Variants in HNF4A observed in about 807,000 individuals in gnomAD.
HNF4A encodes the protein hepatocyte nuclear factor 4 alpha.
Under a neutral mutation model 52.4 loss-of-function variants are expected in HNF4A, and 15 were observed. That is an observed-to-expected ratio of 0.29 (90% CI 0.19 to 0.44). The LOEUF (loss-of-function observed/expected upper bound fraction) is 0.44, where lower values mean the gene tolerates loss of function less well. Among genes scored for constraint, HNF4A ranks in the 20% least tolerant of loss-of-function variants. The pLI, the probability that HNF4A is intolerant of heterozygous loss-of-function variation, is 1.00. For synonymous variants in HNF4A, 280 were observed against 264.4 expected, an observed-to-expected ratio of 1.06 and a Z score of -0.57; for missense variants, 479 against 647.2, an observed-to-expected ratio of 0.74 and a Z score of 2.82.
chr20:44,392,938 T>G (rs1029942869), intron 1 of HNF4A, among the ~76,000 whole-genome samples: 1 of 152,244 alleles, frequency 6.6e-6, no homozygotes, highest in South Asian at 2.1e-4. Flanking sequence ...CCCTCTTGGC[T>G]GGAGAACCTT....
intron 1 of HNF4A, among the ~76,000 whole-genome samples, chr20:44,361,634 C>T (rs1600626304): frequency 1.3e-5 from 2 of 151,956 alleles, no homozygotes; most frequent in African/African-American, 2.4e-5. Flanking sequence ...GCCAAGATCA[C>T]GCCACTGCAC....
intron 7 of HNF4A, among the ~76,000 whole-genome samples, chr20:44,421,137 T>A (rs1448171722): frequency 6.6e-6 from 1 of 152,176 alleles, no homozygotes; most frequent in African/African-American, 2.4e-5. Context: ...GCAAGTTATG[T>A]GCTTTTATCT....
intron 1 of HNF4A, among the ~76,000 whole-genome samples, chr20:44,357,500 G>T (rs1272218334): frequency 6.6e-6 from 1 of 152,134 alleles, no homozygotes; most frequent in Non-Finnish European, 1.5e-5. Context: ...AGGTCATAAG[G>T]CTAAGCTAGG....
intron 3 of HNF4A, 50 bp from the exon 4 acceptor site, chr20:44,413,644 C>T: frequency 7.3e-7 from 1 of 1,378,034 alleles, no homozygotes; most frequent in South Asian, 1.2e-5. Flanking sequence ...CACCCCCACC[C>T]CCTACTCCAT....
At chr20:44,403,071 A>G (rs1460816386) in intron 1 of HNF4A, among the ~76,000 whole-genome samples, 3 of 152,196 alleles carry the variant, frequency 2.0e-5, no homozygotes, top group Non-Finnish European at 4.4e-5. Flanking sequence ...GAGATAGCAA[A>G]CAAGCTGCTG....
chr20:44,363,563 AGAG>A (rs767292530), intron 1 of HNF4A, among the ~76,000 whole-genome samples: 3 of 151,944 alleles, frequency 2.0e-5, no homozygotes, highest in Non-Finnish European at 2.9e-5. Flanking sequence ...GCTCCTTCAC[AGAG>A]GAGGAGGCAG....
chr20:44,370,860 C>T (rs1228769146), intron 1 of HNF4A, among the ~76,000 whole-genome samples: 4 of 152,200 alleles, frequency 2.6e-5, no homozygotes, highest in East Asian at 1.9e-4. Context: ...CACTGTTTGA[C>T]GACTGTCTGC....
Position 44,429,732 on chromosome 20 carries a change from CGTG to C in HNF4A, c.*70_*72del. 5.9e-6 allele frequency: 9 copies of C among 1,515,278 alleles called. No homozygotes were observed. The highest frequency in any genetic ancestry group is 8.2e-6 in the Non-Finnish European group (9 of 1,092,410). 93.9% of individuals were successfully genotyped at this position (1,515,278 alleles called of 1,614,324 possible). On this transcript the variant is annotated 3_prime_UTR_variant, in exon 10 of 10. Transcript: ENST00000316099. ...CCCCTAAGAGAGCACCTGGTGATCA[CGTG>C]GTCACGGCAAAGGAAGACGTGATGC...
At chr20:44,396,284 G>C (rs968414320), upstream of HNF4A, among the ~76,000 whole-genome samples, 1 of 152,172 alleles carries the variant, frequency 6.6e-6, no homozygotes, top group Non-Finnish European at 1.5e-5. Context: ...ATATGAGAAG[G>C]CTAGAAGGTT....
chr20:44,424,068 G>A lies in HNF4A; in HGVS notation c.943G>A (p.Val315Met). 6.2e-7 allele frequency: 1 copy of A among 1,613,308 alleles called. No individual in the cohort carries two copies. Among genetic ancestry groups the A allele is most frequent in the Non-Finnish European group, 8.5e-7 (1 of 1,180,008 alleles). The change falls in exon 8 of 10, where the codon GTG becomes ATG. Residue 315 changes from valine (V) to methionine (M), a missense_variant. By Grantham distance (21) the Val-to-Met change is conservative (BLOSUM62 1). Transcript: ENST00000316099. ...GAAGATCAAGCGGCTGCGTTCCCAG[G>A]TGCAGGTGAGCTTGGAGGACTACAT...
intron 1 of HNF4A, among the ~76,000 whole-genome samples, chr20:44,385,712 A>G (rs6031577): frequency 0.3 from 45,473 of 151,876 alleles, 7,069 homozygotes; most frequent in Non-Finnish European, 0.34. Context: ...CCAGTGATCC[A>G]CCTGCCTTGG....
chr20:44,402,411 G>A, intron 1 of HNF4A: 1 of 394,830 alleles, frequency 2.5e-6, no homozygotes. Context: ...TACCTGCTGT[G>A]TATATATGCA....
intron 1 of HNF4A, among the ~76,000 whole-genome samples, chr20:44,379,332 C>T (rs931747327): frequency 1.3e-5 from 2 of 151,992 alleles, no homozygotes; most frequent in Non-Finnish European, 2.9e-5. Context: ...ATTGCTAGAT[C>T]ATATGATAGT....
chr20:44,427,639 G>C (rs2063828811), intron 8 of HNF4A, among the ~76,000 whole-genome samples: 1 of 152,118 alleles, frequency 6.6e-6, no homozygotes, highest in African/African-American at 2.4e-5. Context: ...CAATCTGCTA[G>C]GCCCTCAAAG....
chr20:44,419,993 A>G (rs1375780205), intron 7 of HNF4A, 117 bp downstream of exon 7: 20 of 1,072,680 alleles, frequency 1.9e-5, no homozygotes, highest in African/African-American at 9.3e-5. Flanking sequence ...AACGACAGCC[A>G]GGAGAGGCCG....
In HNF4A at chr20:44,414,544, G is replaced by C; in HGVS notation, c.530G>C (p.Arg177Pro). Residue 177 changes from arginine to proline, a missense_variant, in exon 5 of 10, where the codon CGG (arginine) becomes CCG (proline). By Grantham distance (103) the Arg-to-Pro change is moderately radical (BLOSUM62 -2). Coordinates refer to ENST00000316099, the MANE Select transcript of HNF4A (RefSeq NM_000457.6). ...GTCTCCGGGATCAACGGCGACATTCGGGCGAAGAAGATTGCCAGCATCGCA... is the reference window on the plus strand; with the variant it reads ...GTCTCCGGGATCAACGGCGACATTCCGGCGAAGAAGATTGCCAGCATCGCA... The C allele has an allele frequency of 3.1e-6, 5 of 1,614,200 alleles. No homozygotes were observed. The highest frequency in any genetic ancestry group is 3.4e-6 in the Non-Finnish European group (4 of 1,180,030).
At chr20:44,412,608 C>G (rs1298495275) in intron 3 of HNF4A, among the ~76,000 whole-genome samples, 1 of 152,054 alleles carries the variant, frequency 6.6e-6, no homozygotes, top group Non-Finnish European at 1.5e-5. Flanking sequence ...ATGACTTGAA[C>G]GGATCCCTCT....
At position 44,402,645 on chromosome 20, in the gene HNF4A, G is replaced by T. The variant is rs756029521; in HGVS notation, c.115+1158G>T. The stretch of plus-strand genomic sequence containing the variant: ...GGGGTGGACAGTTCTCCACAGGGAG[G>T]TAGGGGAAAAGAGGAGGCCCGGAAA... On this transcript the variant is annotated intron_variant, in intron 1 of 9. Transcript: ENST00000316099. 2.1e-5 allele frequency: 29 copies of T among 1,357,668 alleles called. No homozygotes were observed. Among genetic ancestry groups the T allele is most frequent in the Non-Finnish European group, 2.9e-5 (29 of 1,016,448 alleles). 84.1% of individuals were successfully genotyped at this position (1,357,668 alleles called of 1,614,324 possible).
chr20:44,392,915 C>T (rs2063317794), intron 1 of HNF4A, among the ~76,000 whole-genome samples: 2 of 152,220 alleles, frequency 1.3e-5, no homozygotes, highest in Non-Finnish European at 2.9e-5. Flanking sequence ...GGCTGGGTTT[C>T]CATCCCTACC....
Sources: allele counts gnomAD v4.1 joint callset (sites outside exome capture counted in the v4.1 genomes callset), GRCh38; gene constraint gnomAD v4.1.1; transcripts MANE v1.5; gene names NCBI Gene and HGNC (gene_info 2026-07-23, HGNC 2026-07-21).